Variants in PHIP observed in about 807,000 individuals in gnomAD.
PHIP encodes PH-interacting protein.
PHIP carries 54 observed loss-of-function variants against 236.8 expected under a neutral mutation model. The ratio of observed to expected loss-of-function variants is 0.23; its 90% CI spans 0.18 to 0.29. PHIP has a LOEUF of 0.29. Among genes scored for constraint, PHIP ranks in the 10% least tolerant of loss-of-function variants. The probability of loss-of-function intolerance (pLI) is 1.00; values close to 1 mark genes in which losing one functional copy is unlikely to be tolerated. For missense variants in PHIP, 1,370 were observed against 2,190.8 expected, an observed-to-expected ratio of 0.63 and a Z score of 7.48; for synonymous variants, 756 against 718.9, an observed-to-expected ratio of 1.05 and a Z score of -0.83.
chr6:79,068,347 C>A (rs1773727512), intron 4 of PHIP, among the ~76,000 whole-genome samples: 1 of 152,102 alleles, frequency 6.6e-6, no homozygotes, highest in Non-Finnish European at 1.5e-5. Flanking sequence ...CCTGTAGTCC[C>A]AGATACTCAG....
chr6:78,997,703 T>G (rs1002029580), intron 18 of PHIP, 106 bp from the exon 19 acceptor site: 10 of 894,310 alleles, frequency 1.1e-5, no homozygotes, highest in Non-Finnish European at 1.7e-5. Flanking sequence ...AACTTCATAT[T>G]GTGGCAAAAT....
chr6:78,997,547 T>G lies in PHIP; in HGVS notation c.2068A>C (p.Arg690=), dbSNP rs771242458. ...EVHSPPNVGL[R]RSGQIEGVRQ... Reference sequence around the variant, plus strand: ...ACACCTTCAATTTGTCCACTACGTCTTAGTCCTACGTTTGGTGGTGAATGA... The same window carrying G: ...ACACCTTCAATTTGTCCACTACGTCGTAGTCCTACGTTTGGTGGTGAATGA... The change falls in exon 19 of 40, where the codon AGA becomes CGA. Residue 690 remains arginine, a synonymous_variant. Transcript: ENST00000275034. 1.7e-5 allele frequency: 28 copies of G among 1,613,896 alleles called. No homozygotes were observed. Among genetic ancestry groups the G allele is most frequent in the Admixed American group, 5.0e-5 (3 of 59,996 alleles).
intron 39 of PHIP, among the ~76,000 whole-genome samples, chr6:78,942,636 G>A (rs1036646202): frequency 6.6e-6 from 1 of 152,120 alleles, no homozygotes; most frequent in Non-Finnish European, 1.5e-5. Flanking sequence ...ATGTGGGTGT[G>A]GACATAAAGT....
chr6:78,978,853 G>A, intron 23 of PHIP, 142 bp from the exon 24 acceptor site: 1 of 533,014 alleles, frequency 1.9e-6, no homozygotes, highest in Non-Finnish European at 3.0e-6. Context: ...TTGGCCCTGT[G>A]TATCCATGGG....
rs543751200 is a variant in PHIP, at chr6:79,043,207, T to C, written c.440-204A>G. ...TGAAATAAGTCAGGCACTATCATTC[T>C]CACTTTATAACTTAATTTGTAAGTT... On this transcript the variant is annotated intron_variant, in intron 6 of 39. Transcript: ENST00000275034. 5.3e-5 allele frequency among the ~76,000 whole-genome samples: 8 copies of C among 152,240 alleles called. No individual in the cohort carries two copies. The East Asian group carries it at 1.5e-3, about 29-fold the overall frequency.
intron 9 of PHIP, among the ~76,000 whole-genome samples, chr6:79,020,725 A>G (rs1213181373): frequency 6.6e-6 from 1 of 152,232 alleles, no homozygotes. Context: ...CACTGTTCAC[A>G]ATAGCGAAGA....
At chr6:78,982,714 G>A (rs916277249) in intron 23 of PHIP, among the ~76,000 whole-genome samples, 172 bp downstream of exon 23, 4 of 151,906 alleles carry the variant, frequency 2.6e-5, no homozygotes, top group Non-Finnish European at 4.4e-5. Context: ...CTAAAAACTC[G>A]AATAAACTAA....
chr6:78,954,120 G>A (rs1011481529), intron 35 of PHIP, among the ~76,000 whole-genome samples: 6 of 152,052 alleles, frequency 3.9e-5, no homozygotes, highest in Admixed American at 6.5e-5. Context: ...TTGCTTTTGA[G>A]ACTCAGTCTC....
intron 39 of PHIP, among the ~76,000 whole-genome samples, chr6:78,942,009 G>T (rs1773526998): frequency 6.6e-6 from 1 of 151,464 alleles, no homozygotes; most frequent in African/African-American, 2.4e-5. Context: ...TATGCCACAG[G>T]AACTACCAGT....
chr6:78,961,597 T>A, intron 31 of PHIP, 93 bp downstream of exon 31: 1 of 1,243,878 alleles, frequency 8.0e-7, no homozygotes, highest in Middle Eastern at 2.2e-4. Flanking sequence ...CATTCCTATA[T>A]ACAAAAAGTT....
chr6:78,995,352 A>T (rs1377574266), intron 19 of PHIP, among the ~76,000 whole-genome samples: 2 of 152,220 alleles, frequency 1.3e-5, no homozygotes, highest in African/African-American at 4.8e-5. Context: ...TGTGAACATG[A>T]GTTTTCATTT....
intron 4 of PHIP, among the ~76,000 whole-genome samples, chr6:79,071,955 A>G (rs1337573186): frequency 1.3e-5 from 2 of 151,952 alleles, no homozygotes; most frequent in Non-Finnish European, 2.9e-5. Flanking sequence ...ATGAAAAAAA[A>G]AAAGAAAACC....
At chr6:79,031,396 C>T (rs1464698286) in intron 7 of PHIP, among the ~76,000 whole-genome samples, 1 of 152,134 alleles carries the variant, frequency 6.6e-6, no homozygotes, top group African/African-American at 2.4e-5. Context: ...CAAAATGAGA[C>T]ACCAAATTTA....
intron 6 of PHIP, among the ~76,000 whole-genome samples, chr6:79,049,694 T>A (rs1314110492): frequency 6.6e-6 from 1 of 152,128 alleles, no homozygotes; most frequent in African/African-American, 2.4e-5. Context: ...ACCCCTCATA[T>A]GTGCCATCTC....
chr6:78,949,594 T>G (rs558952674), intron 35 of PHIP, among the ~76,000 whole-genome samples: 1 of 152,192 alleles, frequency 6.6e-6, no homozygotes, highest in Non-Finnish European at 1.5e-5. Context: ...TTTCCCTGGT[T>G]TTGGTCTCTC....
In PHIP at chr6:78,985,387, T is replaced by G; in HGVS notation, c.2502A>C (p.Glu834Asp). 6.2e-7 allele frequency: 1 copy of G among 1,603,664 alleles called. No individual in the cohort carries two copies. The highest frequency in any genetic ancestry group is 8.5e-7 in the Non-Finnish European group (1 of 1,170,438). The change falls in exon 22 of 40, where the codon GAA (glutamate) becomes GAC (aspartate). Residue 834 changes from glutamate (E) to aspartate (D), a missense_variant. Glu to Asp is a conservative substitution (Grantham distance 45). Transcript: ENST00000275034. ...CATCACTGTGCCATGCTCTCTCTTC[T>G]TCTTCGGATGTTCCACCACTGACAG... ...VVAVSGGTSE[E>D]EERAWHSDGS...
Position 79,017,478 on chromosome 6 carries a change from C to T in PHIP, c.1095+5G>A. 1 of 1,599,444 alleles carries T rather than the reference C, an allele frequency of 6.3e-7. No individual in the cohort carries two copies. Among genetic ancestry groups the T allele is most frequent in the Non-Finnish European group, 8.6e-7 (1 of 1,167,298 alleles). On this transcript the variant is annotated splice_donor_5th_base_variant and intron_variant, in intron 11 of 39. Transcript: ENST00000275034. Reference sequence around the variant, plus strand: ...ACTCATCTAATTCTTTTCACCAATACTTACAGTATGAAACTCCAATTCTGA... The same window carrying T: ...ACTCATCTAATTCTTTTCACCAATATTTACAGTATGAAACTCCAATTCTGA...
chr6:79,015,106 G>T lies in PHIP; in HGVS notation c.1500C>A (p.Val500=). Residue 500 remains valine (V), a synonymous_variant, in exon 15 of 40, where the codon GTC becomes GTA. Transcript: ENST00000275034. Reference sequence around the variant, plus strand: ...CCATATTGAAATAAGATCGTATTTTGACTCCTCTTGCCAGATCCCACACTA... The same window carrying T: ...CCATATTGAAATAAGATCGTATTTTTACTCCTCTTGCCAGATCCCACACTA... The part of the protein sequence containing the change: ...NVIVWDLARG[V]KIRSYFNMIE... 1 of 1,610,730 alleles carries T rather than the reference G, an allele frequency of 6.2e-7. No homozygotes were observed. Among genetic ancestry groups the T allele is most frequent in the Non-Finnish European group, 8.5e-7 (1 of 1,177,464 alleles).
chr6:79,040,716 T>A (rs907132578), intron 7 of PHIP, among the ~76,000 whole-genome samples: 19 of 152,026 alleles, frequency 1.2e-4, no homozygotes, highest in African/African-American at 2.4e-5. Context: ...CCACTTGAAG[T>A]GAAAATAATA....
Sources: allele counts gnomAD v4.1 joint callset (sites outside exome capture counted in the v4.1 genomes callset), GRCh38; gene constraint gnomAD v4.1.1; transcripts MANE v1.5; gene names NCBI Gene and HGNC (gene_info 2026-07-23, HGNC 2026-07-21).